The following NSD1 variants were observed in gnomAD, a reference collection of about 807,000 sequenced individuals.
NSD1 encodes the protein nuclear receptor binding SET domain protein 1, also known as histone-lysine N-methyltransferase, H3 lysine-36 specific.
NSD1 carries 26 observed loss-of-function variants against 242.7 expected under a neutral mutation model. The ratio of observed to expected loss-of-function variants is 0.11; its 90% CI spans 0.08 to 0.15. The LOEUF is 0.15. NSD1 is among the 10% of genes least tolerant of loss of function. The pLI, the probability that NSD1 is intolerant of heterozygous loss-of-function variation, is 1.00. For missense variants in NSD1, 2,495 were observed against 3,272.8 expected (o/e 0.76, Z 5.80); for synonymous variants, 1,106 against 1,178.1 (o/e 0.94, Z 1.25).
At position 177,300,014 on chromosome 5, in the gene NSD1, G is replaced by A. The variant is rs1475608862; in HGVS notation, c.*4555G>A. ...CATCTACCTATATTGTTAAGAAAGG[G>A]GTCGGGGGGATCAGCCAAGGTCCAT... On this transcript the variant is annotated 3_prime_UTR_variant, in exon 23 of 23. Coordinates refer to ENST00000439151, the MANE Select transcript of NSD1 (RefSeq NM_022455.5). 3 of 232,464 alleles carry A rather than the reference G, an allele frequency of 1.3e-5. No individual in the cohort carries two copies. Among genetic ancestry groups the A allele is most frequent in the African/African-American group, 6.7e-5 (3 of 45,020 alleles). The allele number at this position is 232,464 out of a possible 1,614,324, so 14.4% of individuals were successfully genotyped here.
At chr5:177,187,916 A>G (rs1190796513) in intron 2 of NSD1, among the ~76,000 whole-genome samples, 1 of 152,146 alleles carries the variant, frequency 6.6e-6, no homozygotes, top group Non-Finnish European at 1.5e-5. Context: ...CAGTGTACAC[A>G]GAATTCGGCC....
At chr5:177,270,923 G>A (rs1478542867) in intron 16 of NSD1, among the ~76,000 whole-genome samples, 1 of 152,180 alleles carries the variant, frequency 6.6e-6, no homozygotes, top group Non-Finnish European at 1.5e-5. Context: ...ATAGTACTGT[G>A]CTGTTAGTAC....
chr5:177,266,059 G>C, intron 14 of NSD1: 2 of 1,098,024 alleles, frequency 1.8e-6, no homozygotes, highest in South Asian at 2.5e-5. Flanking sequence ...AGTGGATCTT[G>C]TAGTCTTTGT....
chr5:177,282,699 T>A lies in NSD1; in HGVS notation c.6009+118T>A, dbSNP rs546105987. ...AAGGTAGGGTCTTTTCCCATACCCATTGGGATTGCTGGATTGGGGTTCTGG... is the reference window on the plus strand; with the variant it reads ...AAGGTAGGGTCTTTTCCCATACCCAATGGGATTGCTGGATTGGGGTTCTGG... On this transcript the variant is annotated intron_variant, in intron 19 of 22. Coordinates refer to ENST00000439151, the MANE Select transcript of NSD1 (RefSeq NM_022455.5). 7 of 830,664 alleles carry A rather than the reference T, an allele frequency of 8.4e-6. No individual in the cohort carries two copies. The East Asian group carries it at 1.7e-4, about 20-fold the overall frequency. 51.5% of individuals were successfully genotyped at this position (830,664 alleles called of 1,614,324 possible).
chr5:177,286,158 G>A (rs544003487), intron 20 of NSD1, among the ~76,000 whole-genome samples: 189 of 152,164 alleles, frequency 1.2e-3, no homozygotes, highest in African/African-American at 4.4e-3. Context: ...CACCGCGCCC[G>A]GCCTGTGTTT....
At chr5:177,143,062 G>A (rs1169886160) in intron 2 of NSD1, among the ~76,000 whole-genome samples, 1 of 152,200 alleles carries the variant, frequency 6.6e-6, no homozygotes, top group East Asian at 1.9e-4. Context: ...GGGACATATC[G>A]AGTTAATGAA....
At chr5:177,290,266 T>C (rs1759712275) in intron 21 of NSD1, among the ~76,000 whole-genome samples, 1 of 150,418 alleles carries the variant, frequency 6.6e-6, no homozygotes, top group Non-Finnish European at 1.5e-5. Flanking sequence ...ACAGTGAAAA[T>C]TGCAGTTTAA....
chr5:177,176,483 G>T (rs1470373001), intron 2 of NSD1, among the ~76,000 whole-genome samples: 1 of 150,850 alleles, frequency 6.6e-6, no homozygotes, highest in Non-Finnish European at 1.5e-5. Flanking sequence ...GCCCAGGCTA[G>T]AGTGCCGTGG....
intron 16 of NSD1, among the ~76,000 whole-genome samples, chr5:177,271,904 A>G (rs994772483): frequency 3.9e-5 from 6 of 152,034 alleles, no homozygotes; most frequent in Non-Finnish European, 7.4e-5. Flanking sequence ...TCCCAGCACT[A>G]TGGGGTCAGG....
intron 2 of NSD1, among the ~76,000 whole-genome samples, chr5:177,186,058 C>T (rs868006678): frequency 0.027 from 2,624 of 96,560 alleles, 35 homozygotes; most frequent in Middle Eastern, 0.038. Flanking sequence ...TATAATATAA[C>T]ATATAATATA....
intron 2 of NSD1, among the ~76,000 whole-genome samples, chr5:177,167,277 C>T (rs146501749): frequency 2.0e-5 from 3 of 151,578 alleles, no homozygotes; most frequent in African/African-American, 7.3e-5. Flanking sequence ...TGGCTCACAC[C>T]TGTAATCCCA....
At chr5:177,155,061 G>A (rs897933517) in intron 2 of NSD1, among the ~76,000 whole-genome samples, 1 of 150,970 alleles carries the variant, frequency 6.6e-6, no homozygotes, top group Non-Finnish European at 1.5e-5. Flanking sequence ...TTTGATCTCG[G>A]CTCACTGCAA....
chr5:177,265,277 TA>T (rs370641855), intron 14 of NSD1: 36,470 of 473,122 alleles, frequency 0.077, 3 homozygotes, highest in South Asian at 0.1. Context: ...TCTGGACTGT[TA>T]AAAAAAAAAA....
chr5:177,202,804 TTTAATTCA>T (rs1762604273), intron 3 of NSD1, among the ~76,000 whole-genome samples: 1 of 152,216 alleles, frequency 6.6e-6, no homozygotes, highest in African/African-American at 2.4e-5. Context: ...TATTGAAGGA[TTTAATTCA>T]GTAGGTGGGA....
At chr5:177,167,381 C>G (rs972005964) in intron 2 of NSD1, among the ~76,000 whole-genome samples, 1 of 151,800 alleles carries the variant, frequency 6.6e-6, no homozygotes, top group South Asian at 2.1e-4. Flanking sequence ...ACTAAAAATA[C>G]AAAATTAGCC....
intron 14 of NSD1, chr5:177,265,361 G>A: frequency 1.7e-6 from 1 of 591,082 alleles, no homozygotes; most frequent in South Asian, 2.1e-5. Flanking sequence ...AATTTTTTTT[G>A]TTTCCCAGCT....
At chr5:177,161,599 G>A (rs1024937674) in intron 2 of NSD1, among the ~76,000 whole-genome samples, 1 of 151,696 alleles carries the variant, frequency 6.6e-6, no homozygotes, top group Non-Finnish European at 1.5e-5. Context: ...TTGTGCAAAC[G>A]ATTGAAATTA....
intron 2 of NSD1, among the ~76,000 whole-genome samples, chr5:177,138,785 G>A (rs1245982747): frequency 2.0e-5 from 3 of 151,390 alleles, no homozygotes; most frequent in Non-Finnish European, 2.9e-5. Context: ...GATTACAGGT[G>A]CGCACCACCA....
At chr5:177,265,533 C>T in intron 14 of NSD1, 1 of 801,788 alleles carries the variant, frequency 1.2e-6, no homozygotes, top group Non-Finnish European at 2.1e-6. Context: ...TAGGAATGCT[C>T]AGCCCCTGGG....
Sources: gnomAD v4.1 joint callset for allele counts (sites outside exome capture counted in the v4.1 genomes callset) on GRCh38, gnomAD v4.1.1 for gene constraint, MANE v1.5 for transcripts, NCBI Gene and HGNC (gene_info 2026-07-23, HGNC 2026-07-21) for gene names.